Variants in KPNA7 observed in about 807,000 individuals in gnomAD.
KPNA7 encodes the protein karyopherin subunit alpha 7.
In KPNA7, 54 loss-of-function variants were observed where a neutral mutation model predicts 53.7. The observed-to-expected ratio is 1.01, with a 90% CI of 0.81 to 1.26. The LOEUF is 1.26. Among genes scored for constraint, KPNA7 ranks in the 50% most tolerant of loss-of-function variants. KPNA7 has a pLI of 0.00. For missense variants in KPNA7, 640 were observed against 644.5 expected (o/e 0.99, Z 0.07); for synonymous variants, 276 against 259.3 (o/e 1.06, Z -0.62).
chr7:99,180,921 GTCTC>G lies in KPNA7; in HGVS notation c.1317+958_1317+961del, dbSNP rs553772679. Reference sequence around the variant, plus strand: ...TCCCCATCTCTCTCTCCCCGTCTGTGTCTCTCTCTCTCTCCCCGTCTGTGTCTCT... The same window carrying G: ...TCCCCATCTCTCTCTCCCCGTCTGTGTCTCTCTCTCCCCGTCTGTGTCTCT... On this transcript the variant is annotated intron_variant, in intron 9 of 10. Transcript: ENST00000327442. Among the ~76,000 whole-genome samples the G allele has an allele frequency of 1.1e-3, 33 of 29,950 alleles. 13 individuals carry two copies. The highest frequency in any genetic ancestry group is 6.5e-3 in the South Asian group (4 of 616). 19.6% of individuals were successfully genotyped at this position (29,950 alleles called of 152,430 possible).
chr7:99,170,202 C>CT (rs960569860), downstream of KPNA7, among the ~76,000 whole-genome samples: 1 of 152,110 alleles, frequency 6.6e-6, no homozygotes, highest in Non-Finnish European at 1.5e-5. Flanking sequence ...TGATGGAAGC[C>CT]TTTGCCATAG....
chr7:99,185,208 G>T (rs1266714932), intron 7 of KPNA7, 46 bp from the exon 8 acceptor site: 1 of 1,359,626 alleles, frequency 7.4e-7, no homozygotes, highest in Non-Finnish European at 1.0e-6. Context: ...GTCTATCCCA[G>T]GAGAAGGCAA....
At chr7:99,192,819 G>T (rs1345716717) in intron 6 of KPNA7, among the ~76,000 whole-genome samples, 200 bp downstream of exon 6, 2 of 151,948 alleles carry the variant, frequency 1.3e-5, no homozygotes, top group Admixed American at 6.6e-5. Context: ...ACCTAACGAG[G>T]TTCTCTCTCA....
At chr7:99,197,291 C>A (rs1335164989) in intron 3 of KPNA7, among the ~76,000 whole-genome samples, 2 of 152,098 alleles carry the variant, frequency 1.3e-5, no homozygotes, top group Non-Finnish European at 2.9e-5. Context: ...CCACACATCA[C>A]AAAAAAATAC....
At chr7:99,212,809 T>A (rs1245242375), upstream of KPNA7, among the ~76,000 whole-genome samples, 1 of 151,936 alleles carries the variant, frequency 6.6e-6, no homozygotes, top group Non-Finnish European at 1.5e-5. Context: ...GAGGATCGCC[T>A]GAGCCCCAGA....
At chr7:99,170,238 C>T (rs974335471), downstream of KPNA7, among the ~76,000 whole-genome samples, 2 of 152,088 alleles carry the variant, frequency 1.3e-5, no homozygotes, top group Admixed American at 1.3e-4. Flanking sequence ...AACAAACACC[C>T]CCCCAAGAAT....
upstream of KPNA7, among the ~76,000 whole-genome samples, chr7:99,210,861 G>C (rs12705048): frequency 0.061 from 9,271 of 151,906 alleles, 318 homozygotes; most frequent in South Asian, 0.15. Context: ...ATTGGGATTA[G>C]AGGCATGAGC....
chr7:99,171,004 A>G (rs1798760461), downstream of KPNA7, among the ~76,000 whole-genome samples: 1 of 152,140 alleles, frequency 6.6e-6, no homozygotes, highest in South Asian at 2.1e-4. Context: ...CACTGAGGTC[A>G]GGAGTTCAAG....
chr7:99,163,318 AATATAC>A, the KPNA7 span, among the ~76,000 whole-genome samples: 1 of 141,644 alleles, frequency 7.1e-6, no homozygotes, highest in African/African-American at 2.7e-5. Flanking sequence ...ATTTATATAT[AATATAC>A]ATATTTTATA....
Position 99,182,024 on chromosome 7 carries a change from C to T in KPNA7, c.1176G>A (p.Ala392=), listed in dbSNP as rs368199472. The T allele has an allele frequency of 1.8e-4, 284 of 1,547,042 alleles. 1 individual carries two copies. The highest frequency in any genetic ancestry group is 6.7e-4 in the Middle Eastern group (4 of 5,978). The change falls in exon 9 of 11, where the codon GCG becomes GCA. Residue 392 remains alanine, a synonymous_variant. Transcript: ENST00000327442. The part of the protein sequence containing the change: ...KVQKEAVWMV[A]NFATGATMDQ... The stretch of plus-strand genomic sequence containing the variant: ...CCATGGTGGCCCCTGTTGCAAAGTT[C>T]GCCACCATCCAGACAGCCTCTTTCT...
In KPNA7 at chr7:99,190,487, ACAGGACTGGGTCT is replaced by A. The variant is rs763944110; in HGVS notation, c.637-1937_637-1925del. Among the ~76,000 whole-genome samples the A allele has an allele frequency of 1.4e-3, 208 of 152,270 alleles. 1 individual carries two copies. Among genetic ancestry groups the A allele is most frequent in the Middle Eastern group, 0.01 (3 of 294 alleles). ...GCCTGAATTTAGAACCTTAGAGCCC[ACAGGACTGGGTCT>A]CAGGCTCTCCTCACACTCTAGGTCA... On this transcript the variant is annotated intron_variant, in intron 6 of 10. Coordinates refer to ENST00000327442, the MANE Select transcript of KPNA7 (RefSeq NM_001145715.3).
chr7:99,173,546 T>G, downstream of KPNA7: 1 of 562,320 alleles, frequency 1.8e-6, no homozygotes. Context: ...TGCAAGTCGT[T>G]TATCTGAAGT....
At chr7:99,193,583 G>T (rs1790073083) in intron 5 of KPNA7, among the ~76,000 whole-genome samples, 1 of 152,086 alleles carries the variant, frequency 6.6e-6, no homozygotes. Flanking sequence ...TCATCACATT[G>T]TACCATCCAG....
chr7:99,174,241 C>A (rs569089251), intron 10 of KPNA7, among the ~76,000 whole-genome samples: 1 of 152,152 alleles, frequency 6.6e-6, no homozygotes, highest in Admixed American at 6.5e-5. Flanking sequence ...AGGCTGCATG[C>A]TCCTTATGAG....
chr7:99,167,897 G>A, the KPNA7 span, among the ~76,000 whole-genome samples: 1 of 152,016 alleles, frequency 6.6e-6, no homozygotes, highest in South Asian at 2.1e-4. Flanking sequence ...ATGATGGTGA[G>A]TTATAGAATT....
chr7:99,171,821 A>G (rs1798776612), downstream of KPNA7, among the ~76,000 whole-genome samples: 1 of 152,176 alleles, frequency 6.6e-6, no homozygotes, highest in African/African-American at 2.4e-5. Context: ...CTGACCCAGG[A>G]AAAGTGAGTG....
intron 7 of KPNA7, among the ~76,000 whole-genome samples, chr7:99,187,965 CAG>C (rs1365265025): frequency 1.3e-5 from 2 of 151,236 alleles, no homozygotes; most frequent in African/African-American, 4.9e-5. Flanking sequence ...CACCTGAGGT[CAG>C]GAGTTCGAGA....
Position 99,216,003 on chromosome 7 carries a change from A to T in KPNA7, c.-23-8514T>A, listed in dbSNP as rs1210410505. 2.6e-5 allele frequency among the ~76,000 whole-genome samples: 4 copies of T among 151,360 alleles called. No individual in the cohort carries two copies. In the East Asian group the frequency reaches 7.7e-4, roughly 29 times the overall value. ...AAAAAAAAAAAAAAGAAAAGCACTG[A>T]GTTATACACAGTCCAAGTCAGTACC... is the stretch of plus-strand genomic sequence containing the variant. On this transcript the variant is annotated intron_variant, in intron 1 of 10. Transcript: ENST00000681060.
chr7:99,194,300 C>T (rs1407160030), intron 5 of KPNA7, among the ~76,000 whole-genome samples: 1 of 152,184 alleles, frequency 6.6e-6, no homozygotes, highest in Non-Finnish European at 1.5e-5. Context: ...GAGGATTCCA[C>T]TTTCAGGGAA....
Sources: allele counts gnomAD v4.1 joint callset (sites outside exome capture counted in the v4.1 genomes callset), GRCh38; gene constraint gnomAD v4.1.1; transcripts MANE v1.5; gene names NCBI Gene and HGNC (gene_info 2026-07-23, HGNC 2026-07-21).